The following OVOL1 variants were observed in gnomAD, a reference collection of about 807,000 sequenced individuals.
OVOL1 encodes putative transcription factor Ovo-like 1.
A neutral mutation model predicts 21.5 loss-of-function variants in OVOL1; 10 were observed. The observed-to-expected ratio is 0.46, with a 90% CI of 0.29 to 0.79. OVOL1 has a LOEUF of 0.79. Ranked by LOEUF, OVOL1 falls within the 30% of genes least tolerant of loss-of-function variation. The pLI, the probability that OVOL1 is intolerant of heterozygous loss-of-function variation, is 0.10. For missense variants in OVOL1, 279 were observed against 362.3 expected (o/e 0.77, Z 1.87); for synonymous variants, 129 against 150.3 (o/e 0.86, Z 1.03).
At chr11:65,794,297 C>A in intron 2 of OVOL1, 49 bp downstream of exon 2, 1 of 1,492,486 alleles carries the variant, frequency 6.7e-7, no homozygotes, top group South Asian at 1.1e-5. Context: ...GCATGTAGAC[C>A]TGCGTCCAGC....
intron 1 of OVOL1, among the ~76,000 whole-genome samples, chr11:65,791,274 A>C (rs1045036440): frequency 5.3e-5 from 8 of 152,126 alleles, no homozygotes; most frequent in African/African-American, 1.9e-4. Context: ...ACCAGAGGAG[A>C]TGGGCACGGG....
intron 1 of OVOL1, chr11:65,788,440 T>G (rs889212865): frequency 2.0e-6 from 2 of 983,556 alleles, no homozygotes; most frequent in Non-Finnish European, 2.4e-6. Flanking sequence ...GGGCGGGGCG[T>G]GGACGCTCTG....
intron 3 of OVOL1, 40 bp downstream of exon 3, chr11:65,794,767 C>T (rs1406521429): frequency 8.2e-6 from 13 of 1,589,706 alleles, no homozygotes; most frequent in South Asian, 2.2e-5. Context: ...ACGCCGGATC[C>T]GCCTGGCCGC....
In OVOL1 at chr11:65,794,126, C is replaced by T. The variant is rs1244884083; in HGVS notation, c.196C>T (p.Arg66Ter). ...CCCGCTGGCTTTGAACATGAGCCTT[C>T]GAGACTCTAGCTACAGCATGGCCCC... is the stretch of plus-strand genomic sequence containing the variant. Reference protein sequence around the residue: ...SCPLALNMSLRDSSYSMAPGP... With the variant: ...SCPLALNMSL The change falls in exon 2 of 4, where the codon CGA (arginine) becomes TGA (stop). Residue 66 changes from arginine to a stop codon, truncating the protein, a stop_gained. Transcript: ENST00000335987. LOFTEE classifies it high-confidence loss of function. 4.3e-6 allele frequency: 7 copies of T among 1,613,940 alleles called. No individual in the cohort carries two copies. Among genetic ancestry groups the T allele is most frequent in the Non-Finnish European group, 5.9e-6 (7 of 1,180,026 alleles).
intron 3 of OVOL1, 74 bp from the exon 4 acceptor site, chr11:65,794,972 C>G: frequency 6.7e-7 from 1 of 1,488,050 alleles, no homozygotes; most frequent in South Asian, 1.2e-5. Flanking sequence ...CCTGTCCTTT[C>G]TGTGTCTGGA....
Position 65,787,485 on chromosome 11 carries a change from A to C in OVOL1, c.100+12A>C. Reference sequence around the variant, plus strand: ...GATCTACGTGCCAGGTGAGGCTCCAACCGCCCTCCGGCCTGGGGCACCCGC... The same window carrying C: ...GATCTACGTGCCAGGTGAGGCTCCACCCGCCCTCCGGCCTGGGGCACCCGC... On this transcript the variant is annotated intron_variant, in intron 1 of 3. Coordinates refer to ENST00000335987, the MANE Select transcript of OVOL1 (RefSeq NM_004561.4). 15 of 1,390,148 alleles carry C rather than the reference A, an allele frequency of 1.1e-5. No homozygotes were observed. Among genetic ancestry groups the C allele is most frequent in the Non-Finnish European group, 1.1e-5 (11 of 1,045,816 alleles). 86.1% of individuals were successfully genotyped at this position (1,390,148 alleles called of 1,614,324 possible). A position where few individuals can be genotyped will look rare whatever the true frequency, so the allele number is the denominator to read the frequency against.
intron 1 of OVOL1, chr11:65,793,616 C>T: frequency 4.2e-6 from 1 of 238,752 alleles, no homozygotes; most frequent in South Asian, 5.5e-5. Context: ...CCCAGACCAC[C>T]AGGGACCCTT....
At chr11:65,787,521 A>T in intron 1 of OVOL1, 48 bp downstream of exon 1, 1 of 1,137,948 alleles carries the variant, frequency 8.8e-7, no homozygotes, top group Non-Finnish European at 1.2e-6. Context: ...GGCGGCGTCG[A>T]GGCTGCGGGC....
chr11:65,787,183 G>A lies in OVOL1; in HGVS notation c.-191G>A, dbSNP rs1244952754. The A allele has an allele frequency of 2.1e-6, 1 of 476,640 alleles. No homozygotes were observed. Among genetic ancestry groups the A allele is most frequent in the Non-Finnish European group, 3.9e-6 (1 of 255,294 alleles). The allele number at this position is 476,640 out of a possible 1,614,324, so 29.5% of individuals were successfully genotyped here. A position where few individuals can be genotyped will look rare whatever the true frequency, so the allele number is the denominator to read the frequency against. On this transcript the variant is annotated 5_prime_UTR_variant, in exon 1 of 4. Transcript: ENST00000335987. Reference sequence around the variant, plus strand: ...AAGGGACCTCGTTCTCAGGGAAGACGGCGACATTCCGCGGAGGTGGAACCG... The same window carrying A: ...AAGGGACCTCGTTCTCAGGGAAGACAGCGACATTCCGCGGAGGTGGAACCG...
intron 1 of OVOL1, among the ~76,000 whole-genome samples, chr11:65,787,715 C>T (rs982625553): frequency 6.6e-6 from 1 of 151,838 alleles, no homozygotes; most frequent in Non-Finnish European, 1.5e-5. Context: ...GGGAGCCGCT[C>T]CCAGGGCCAG....
In OVOL1 at chr11:65,794,074, A is replaced by T. The variant is rs773166465; in HGVS notation, c.144A>T (p.Glu48Asp). Residue 48 changes from glutamate (E) to aspartate (D), a missense_variant, in exon 2 of 4, where the codon GAA becomes GAT. Glu to Asp is a conservative substitution (Grantham distance 45, BLOSUM62 2). Transcript: ENST00000335987. ...CACCACAGCCCTACCGGGAGCCGGA[A>T]CCCTCTGTGGCCGAACCCCCTTCCT... ...FCPPQPYREP[E>D]PSVAEPPSCP... 2.5e-6 allele frequency: 4 copies of T among 1,613,780 alleles called. No homozygotes were observed. In the African/African-American group the frequency reaches 5.3e-5, roughly 22 times the overall value.
chr11:65,794,489 G>A, intron 2 of OVOL1, 49 bp from the exon 3 acceptor site: 1 of 1,572,292 alleles, frequency 6.4e-7, no homozygotes, highest in South Asian at 1.1e-5. Flanking sequence ...CTGCCAGCCT[G>A]TGGCCCCAAC....
Position 65,796,219 on chromosome 11 carries a change from G to C in OVOL1, c.*878G>C, listed in dbSNP as rs1277304292. 6.6e-6 allele frequency: 1 copy of C among 152,530 alleles called. No individual in the cohort carries two copies. The highest frequency in any genetic ancestry group is 2.4e-5 in the African/African-American group (1 of 41,380). The allele number at this position is 152,530 out of a possible 1,614,324, so 9.4% of individuals were successfully genotyped here. ...CCCAACCCACCCCCGTTCTTTGTAC[G>C]TGCTGAGACAGCCACTAGAAGATCT... On this transcript the variant is annotated 3_prime_UTR_variant, in exon 4 of 4. Coordinates refer to ENST00000335987, the MANE Select transcript of OVOL1 (RefSeq NM_004561.4).
chr11:65,791,658 T>C (rs116807138), intron 1 of OVOL1, among the ~76,000 whole-genome samples: 144 of 152,318 alleles, frequency 9.5e-4, no homozygotes, highest in African/African-American at 3.4e-3. Context: ...GCCTCTGCTC[T>C]GAGCCTGGCC....
intron 2 of OVOL1, 116 bp downstream of exon 2, chr11:65,794,364 A>G: frequency 8.7e-6 from 10 of 1,152,070 alleles, no homozygotes; most frequent in Non-Finnish European, 1.3e-5. Context: ...ACCTGGGCCA[A>G]GGTTTCTGCA....
chr11:65,793,516 C>T (rs1027706837), intron 1 of OVOL1, among the ~76,000 whole-genome samples: 4 of 152,162 alleles, frequency 2.6e-5, no homozygotes, highest in Non-Finnish European at 5.9e-5. Flanking sequence ...CAGCAGGGAC[C>T]GGCCTGCTGG....
At position 65,795,058 on chromosome 11, in the gene OVOL1, A is replaced by T; in HGVS notation, c.521A>T (p.Tyr174Phe). 1 of 1,612,810 alleles carries T rather than the reference A, an allele frequency of 6.2e-7. No homozygotes were observed. Among genetic ancestry groups the T allele is most frequent in the Non-Finnish European group, 8.5e-7 (1 of 1,179,886 alleles). Residue 174 changes from tyrosine (Y) to phenylalanine (F), a missense_variant, in exon 4 of 4, where the codon TAC becomes TTC. Coordinates refer to ENST00000335987, the MANE Select transcript of OVOL1 (RefSeq NM_004561.4). The surrounding 1 kb of genome is among the most constrained non-coding windows in gnomAD (Gnocchi z 5.7). The part of the protein sequence containing the change: ...HVRTHTGVRP[Y>F]KCSLCDKAFT... ...GTCCTCCCCACAGGCGTGCGGCCCT[A>T]CAAGTGCAGCCTGTGTGACAAGGCC...
At position 65,795,524 on chromosome 11, in the gene OVOL1, G is replaced by A. The variant is rs1209839811; in HGVS notation, c.*183G>A. On this transcript the variant is annotated 3_prime_UTR_variant, in exon 4 of 4. Transcript: ENST00000335987. The surrounding 1 kb of genome is among the most constrained non-coding windows in gnomAD (Gnocchi z 5.7). ...TCACTCAGGCCCAGCAATGACCTCT[G>A]CTCATTTTTGCATTTTTGACTTATG... 32 of 613,678 alleles carry A rather than the reference G, an allele frequency of 5.2e-5. No homozygotes were observed. Among genetic ancestry groups the A allele is most frequent in the Non-Finnish European group, 8.9e-5 (31 of 348,820 alleles). 38.0% of individuals were successfully genotyped at this position (613,678 alleles called of 1,614,324 possible).
At chr11:65,788,566 ATGAGGGCAGCAGTGAGGGGCCCCG>A (rs1265116585) in intron 1 of OVOL1, 175 of 985,270 alleles carry the variant, frequency 1.8e-4, no homozygotes, top group Admixed American at 1.2e-3. Flanking sequence ...AAGTGGGGAA[ATGAGGGCAGCAGTGAGGGGCCCCG>A]TGAGGGCTCT....
Sources: gnomAD v4.1 joint callset for allele counts (sites outside exome capture counted in the v4.1 genomes callset) on GRCh38, gnomAD v4.1.1 for gene constraint, Gnocchi (gnomAD v3.1) non-coding constraint, MANE v1.5 for transcripts, NCBI Gene and HGNC (gene_info 2026-07-23, HGNC 2026-07-21) for gene names.